AOAH: variants seen among roughly 807,000 people sequenced by gnomAD.
AOAH encodes the protein acyloxyacyl hydrolase.
Under a neutral mutation model 92.2 loss-of-function variants are expected in AOAH, and 64 were observed. The ratio of observed to expected loss-of-function variants is 0.69; its 90% CI spans 0.57 to 0.86. The LOEUF is 0.86. Ranked by LOEUF, AOAH falls within the 40% of genes least tolerant of loss-of-function variation. The probability of loss-of-function intolerance (pLI) is 0.00; values close to 1 mark genes in which losing one functional copy is unlikely to be tolerated. For missense variants in AOAH, 656 were observed against 694.6 expected (o/e 0.94, Z 0.62); for synonymous variants, 263 against 254.5 (o/e 1.03, Z -0.32).
In AOAH at chr7:36,710,996, A is replaced by T. The variant is rs4236348; in HGVS notation, c.127+13026T>A. ...GCCGAGGGTGAAGCTATGCCCCCAAAGTCACATTTGTACAGAGTGGCAGAA... is the reference window on the plus strand; with the variant it reads ...GCCGAGGGTGAAGCTATGCCCCCAATGTCACATTTGTACAGAGTGGCAGAA... On this transcript the variant is annotated intron_variant, in intron 1 of 20. Coordinates refer to ENST00000617537, the MANE Select transcript of AOAH (RefSeq NM_001637.4). 3.9e-5 allele frequency among the ~76,000 whole-genome samples: 6 copies of T among 152,022 alleles called. No individual in the cohort carries two copies. In the South Asian group the frequency reaches 1.0e-3, roughly 26 times the overall value.
chr7:36,550,992 G>C (rs1786193548), intron 13 of AOAH, among the ~76,000 whole-genome samples: 2 of 151,880 alleles, frequency 1.3e-5, no homozygotes, highest in Non-Finnish European at 2.9e-5. Context: ...ATGTTCTCTT[G>C]GTTGATTCAG....
At position 36,514,551 on chromosome 7, in the gene AOAH, G is replaced by T. The variant is rs1231022009; in HGVS notation, c.1600-1171C>A. The T allele has an allele frequency of 5.9e-6, 9 of 1,535,886 alleles. No homozygotes were observed. The South Asian group carries it at 1.1e-4, about 18-fold the overall frequency. On this transcript the variant is annotated intron_variant, in intron 20 of 20. Coordinates refer to ENST00000617537, the MANE Select transcript of AOAH (RefSeq NM_001637.4). ...GTCCATTCTTGGTTGTCCAGTGTCT[G>T]GCTTGTCATTAATATGCCTTTGAGG...
intron 4 of AOAH, among the ~76,000 whole-genome samples, chr7:36,655,277 C>A (rs758255985): frequency 6.6e-6 from 1 of 152,198 alleles, no homozygotes; most frequent in Non-Finnish European, 1.5e-5. Context: ...ACAATGTTAG[C>A]ACATTATAAG....
At chr7:36,532,115 A>G in intron 18 of AOAH, 32 bp downstream of exon 18, 1 of 1,612,044 alleles carries the variant, frequency 6.2e-7, no homozygotes, top group Non-Finnish European at 8.5e-7. Context: ...GAATGATCAA[A>G]GATGGTATCA....
chr7:36,563,096 G>A (rs532430016), intron 13 of AOAH, among the ~76,000 whole-genome samples: 48 of 133,370 alleles, frequency 3.6e-4, no homozygotes, highest in South Asian at 3.0e-3. Context: ...GCAGTGAGCC[G>A]AGATCGTGCC....
intron 12 of AOAH, among the ~76,000 whole-genome samples, chr7:36,585,998 G>A (rs1789296873): frequency 6.6e-6 from 1 of 152,102 alleles, no homozygotes; most frequent in East Asian, 1.9e-4. Flanking sequence ...GTCAATATAT[G>A]GCAGGGAGAG....
chr7:36,692,615 G>T (rs1270880080), intron 1 of AOAH, among the ~76,000 whole-genome samples: 1 of 152,154 alleles, frequency 6.6e-6, no homozygotes, highest in Non-Finnish European at 1.5e-5. Flanking sequence ...GAAGAAATGA[G>T]CAGGCTGTGT....
At chr7:36,542,114 G>A (rs1390387532) in intron 15 of AOAH, among the ~76,000 whole-genome samples, 1 of 152,154 alleles carries the variant, frequency 6.6e-6, no homozygotes, top group East Asian at 1.9e-4. Flanking sequence ...TAAATTCAAT[G>A]ACTGAATCCT....
chr7:36,521,443 C>T (rs960643474), intron 20 of AOAH, among the ~76,000 whole-genome samples: 26 of 152,124 alleles, frequency 1.7e-4, no homozygotes, highest in Admixed American at 9.2e-4. Context: ...GGAGTGGAGC[C>T]GGGAGGGGAC....
intron 6 of AOAH, among the ~76,000 whole-genome samples, chr7:36,627,762 G>A (rs1792778773): frequency 6.6e-6 from 1 of 152,160 alleles, no homozygotes; most frequent in African/African-American, 2.4e-5. Flanking sequence ...GCAGCCTGGT[G>A]TCACTCGCTG....
intron 4 of AOAH, among the ~76,000 whole-genome samples, chr7:36,648,741 C>T (rs115741362): frequency 0.013 from 2,045 of 151,740 alleles, 39 homozygotes; most frequent in African/African-American, 0.048. Context: ...CTTTAGTCCA[C>T]TGTATTTATT....
intron 2 of AOAH, among the ~76,000 whole-genome samples, chr7:36,681,262 G>A (rs1437677571): frequency 6.6e-6 from 1 of 152,038 alleles, no homozygotes; most frequent in Non-Finnish European, 1.5e-5. Context: ...ACAAAGTAAA[G>A]CTTATAACAA....
chr7:36,664,851 GA>G (rs1795444851), intron 3 of AOAH, among the ~76,000 whole-genome samples: 1 of 152,190 alleles, frequency 6.6e-6, no homozygotes, highest in South Asian at 2.1e-4. Context: ...ATGGTGGAAG[GA>G]AAAGGGTGAG....
intron 4 of AOAH, among the ~76,000 whole-genome samples, chr7:36,651,427 GAT>G (rs1794571405): frequency 6.6e-6 from 1 of 152,126 alleles, no homozygotes; most frequent in Non-Finnish European, 1.5e-5. Flanking sequence ...GTTAAAAAAA[GAT>G]AACTTATTAG....
rs75309007 is a variant in AOAH at position 36,591,828 on chromosome 7, T to A, written c.938+2511A>T. ...GTCAAGTTTTGGGGAAGTTTAGATT[T>A]AGGAAATACAGAGCAACTACTGGTG... is the stretch of plus-strand genomic sequence containing the variant. On this transcript the variant is annotated intron_variant, in intron 12 of 20. Transcript: ENST00000617537. Among the ~76,000 whole-genome samples the A allele has an allele frequency of 6.6e-3, 1,004 of 152,254 alleles. 13 individuals carry two copies. The highest frequency in any genetic ancestry group is 0.023 in the African/African-American group (963 of 41,542).
At chr7:36,515,384 C>T (rs111163401) in intron 20 of AOAH, among the ~76,000 whole-genome samples, 8 of 128,282 alleles carry the variant, frequency 6.2e-5, no homozygotes, top group South Asian at 2.8e-4. Flanking sequence ...CACCACACCC[C>T]TCACAACCCC....
chr7:36,517,214 C>CTTTCTTTCTTTCTCTCTCTT (rs59205788), intron 20 of AOAH, among the ~76,000 whole-genome samples: 3 of 104,894 alleles, frequency 2.9e-5, no homozygotes, highest in South Asian at 6.8e-4. Context: ...TTCTTTCTTT[C>CTTTCTTTCTTTCTCTCTCTT]TCTTTCTTTC....
At chr7:36,680,531 T>C (rs1215552115) in intron 2 of AOAH, among the ~76,000 whole-genome samples, 1 of 152,224 alleles carries the variant, frequency 6.6e-6, no homozygotes, top group Non-Finnish European at 1.5e-5. Context: ...AATGCAATAT[T>C]GGATCCCAGT....
At chr7:36,609,104 G>A (rs1791229758) in intron 11 of AOAH, among the ~76,000 whole-genome samples, 1 of 152,140 alleles carries the variant, frequency 6.6e-6, no homozygotes, top group Non-Finnish European at 1.5e-5. Flanking sequence ...TGAGTCATCT[G>A]GCTGGGGTAG....
Sources: gnomAD v4.1 joint callset for allele counts (sites outside exome capture counted in the v4.1 genomes callset) on GRCh38, gnomAD v4.1.1 for gene constraint, MANE v1.5 for transcripts, NCBI Gene and HGNC (gene_info 2026-07-23, HGNC 2026-07-21) for gene names.